ANGPT1: variants seen among roughly 807,000 people sequenced by gnomAD.
ANGPT1 encodes angiopoietin 1.
Under a neutral mutation model 62.2 loss-of-function variants are expected in ANGPT1, and 17 were observed. That is an observed-to-expected ratio of 0.27 (90% CI 0.19 to 0.41). The LOEUF is 0.41. Ranked by LOEUF, ANGPT1 falls within the 10% of genes least tolerant of loss-of-function variation. The pLI, the probability that ANGPT1 is intolerant of heterozygous loss-of-function variation, is 1.00. For missense variants in ANGPT1, 478 were observed against 594.9 expected, an observed-to-expected ratio of 0.80 and a Z score of 2.04; for synonymous variants, 199 against 198.9, an observed-to-expected ratio of 1.00 and a Z score of 0.00.
chr8:107,279,947 G>A (rs1453924175), intron 7 of ANGPT1, among the ~76,000 whole-genome samples: 3 of 152,066 alleles, frequency 2.0e-5, no homozygotes, highest in South Asian at 4.1e-4. Flanking sequence ...ATCAGTGTAG[G>A]GAGGTTGAGA....
Position 107,371,548 on chromosome 8 carries a change from C to T in ANGPT1, c.298-24451G>A, listed in dbSNP as rs148703988. Among the ~76,000 whole-genome samples, 13 of 149,894 alleles carry T rather than the reference C, an allele frequency of 8.7e-5. No individual in the cohort carries two copies. In the East Asian group the frequency reaches 2.4e-3, roughly 27 times the overall value. On this transcript the variant is annotated intron_variant, in intron 1 of 8. Coordinates refer to ENST00000517746, the MANE Select transcript of ANGPT1 (RefSeq NM_001146.5). Reference sequence around the variant, plus strand: ...TTGGGCACCATAATCCTTCTTCAATCCCCTCTCTCTTGGTGCTGAGCATTC... The same window carrying T: ...TTGGGCACCATAATCCTTCTTCAATTCCCTCTCTCTTGGTGCTGAGCATTC...
chr8:107,348,063 A>C lies in ANGPT1; in HGVS notation c.298-966T>G, dbSNP rs78672400. Among the ~76,000 whole-genome samples the C allele has an allele frequency of 2.2e-3, 339 of 152,254 alleles. 1 individual carries two copies. The highest frequency in any genetic ancestry group is 7.8e-3 in the African/African-American group (324 of 41,536). On this transcript the variant is annotated intron_variant, in intron 1 of 8. Coordinates refer to ENST00000517746, the MANE Select transcript of ANGPT1 (RefSeq NM_001146.5). ...TGTGGTGACTACATTTTATTACTCT[A>C]CTACACATATAGGGAAATTGCATCC...
intron 3 of ANGPT1, among the ~76,000 whole-genome samples, chr8:107,334,562 C>T (rs998803556): frequency 6.3e-5 from 9 of 143,436 alleles, no homozygotes; most frequent in Non-Finnish European, 1.1e-4. Flanking sequence ...CTATAATAAA[C>T]GTGCTATTGT....
chr8:107,365,445 A>G (rs760026175), intron 1 of ANGPT1, among the ~76,000 whole-genome samples: 1 of 152,296 alleles, frequency 6.6e-6, no homozygotes, highest in Non-Finnish European at 1.5e-5. Flanking sequence ...CTTGCTTGCT[A>G]TATAAAATAA....
chr8:107,252,314 T>C (rs1813264370), intron 8 of ANGPT1, among the ~76,000 whole-genome samples: 1 of 152,142 alleles, frequency 6.6e-6, no homozygotes, highest in Non-Finnish European at 1.5e-5. Flanking sequence ...GGCTTCAAGA[T>C]ACAATCTACA....
At chr8:107,445,994 T>G (rs1048430912) in intron 1 of ANGPT1, among the ~76,000 whole-genome samples, 1 of 152,192 alleles carries the variant, frequency 6.6e-6, no homozygotes, top group African/African-American at 2.4e-5. Context: ...CTCGGCTCAC[T>G]GAAACCTCTG....
chr8:107,488,514 G>A (rs185371073), intron 1 of ANGPT1, among the ~76,000 whole-genome samples: 14 of 152,094 alleles, frequency 9.2e-5, no homozygotes, highest in Admixed American at 3.3e-4. Flanking sequence ...AATCAGGTTC[G>A]ATTGCCAAGA....
At chr8:107,484,916 C>T (rs1586362364) in intron 1 of ANGPT1, among the ~76,000 whole-genome samples, 1 of 152,250 alleles carries the variant, frequency 6.6e-6, no homozygotes, top group Non-Finnish European at 1.5e-5. Context: ...TATGTATTTG[C>T]TGTATTGTCA....
At chr8:107,407,773 T>C (rs1319812251) in intron 1 of ANGPT1, among the ~76,000 whole-genome samples, 1 of 152,164 alleles carries the variant, frequency 6.6e-6, no homozygotes, top group Non-Finnish European at 1.5e-5. Flanking sequence ...TTGGCACTTC[T>C]ACGAGAGGCG....
At chr8:107,279,909 G>T (rs1384077526) in intron 7 of ANGPT1, among the ~76,000 whole-genome samples, 2 of 152,126 alleles carry the variant, frequency 1.3e-5, no homozygotes, top group Non-Finnish European at 2.9e-5. Context: ...ATTGGCCTAA[G>T]AATGAGGGTG....
chr8:107,327,341 T>C (rs1815313719), intron 3 of ANGPT1, among the ~76,000 whole-genome samples: 2 of 152,048 alleles, frequency 1.3e-5, no homozygotes, highest in South Asian at 2.1e-4. Context: ...GATCTTTATA[T>C]AGAGAGGTTG....
At position 107,497,600 on chromosome 8, in the gene ANGPT1, G is replaced by T; in HGVS notation, c.-42C>A. 6.3e-7 allele frequency: 1 copy of T among 1,581,876 alleles called. No individual in the cohort carries two copies. The highest frequency in any genetic ancestry group is 1.2e-5 in the South Asian group (1 of 86,776). On this transcript the variant is annotated 5_prime_UTR_variant, in exon 1 of 9. Coordinates refer to ENST00000517746, the MANE Select transcript of ANGPT1 (RefSeq NM_001146.5). ...TCCTTCCGTGCCTCTCGCAAAACTT[G>T]CTCCTTTCTTCTGACCTCTAAAACT...
At chr8:107,452,088 GAAT>G (rs1563629011) in intron 1 of ANGPT1, among the ~76,000 whole-genome samples, 3 of 151,592 alleles carry the variant, frequency 2.0e-5, no homozygotes, top group Non-Finnish European at 4.4e-5. Context: ...AGAATGAATA[GAAT>G]AAGACAGGAT....
intron 1 of ANGPT1, among the ~76,000 whole-genome samples, chr8:107,441,057 A>G (rs1243997382): frequency 2.0e-5 from 2 of 97,834 alleles, no homozygotes; most frequent in African/African-American, 3.3e-5. Flanking sequence ...TTATCTTGAT[A>G]CTTTAACTAC....
At chr8:107,305,543 A>G (rs1332991696) in intron 4 of ANGPT1, among the ~76,000 whole-genome samples, 2 of 152,008 alleles carry the variant, frequency 1.3e-5, no homozygotes, top group Non-Finnish European at 2.9e-5. Flanking sequence ...AAAGTTGGGT[A>G]TTAACTTATT....
chr8:107,366,376 A>G (rs1015406218), intron 1 of ANGPT1, among the ~76,000 whole-genome samples: 1 of 152,222 alleles, frequency 6.6e-6, no homozygotes, highest in South Asian at 2.1e-4. Context: ...CCAAAAAGCC[A>G]AAAGTTGCTA....
intron 3 of ANGPT1, among the ~76,000 whole-genome samples, chr8:107,326,591 G>A (rs147929402): frequency 6.6e-6 from 1 of 151,990 alleles, no homozygotes; most frequent in Non-Finnish European, 1.5e-5. Flanking sequence ...ATCTACTTTG[G>A]AAGTCAGCCC....
intron 1 of ANGPT1, among the ~76,000 whole-genome samples, chr8:107,387,072 AAACCCAT>A (rs1369045388): frequency 1.3e-5 from 2 of 152,152 alleles, no homozygotes; most frequent in Non-Finnish European, 2.9e-5. Context: ...TAAACTATAA[AAACCCAT>A]AACTGAAATG....
chr8:107,398,845 A>G (rs572176665), intron 1 of ANGPT1, among the ~76,000 whole-genome samples: 1 of 152,300 alleles, frequency 6.6e-6, no homozygotes, highest in East Asian at 1.9e-4. Context: ...GCCTCAGAAG[A>G]CACTGGGACA....
Sources: allele counts gnomAD v4.1 joint callset (sites outside exome capture counted in the v4.1 genomes callset), GRCh38; gene constraint gnomAD v4.1.1; transcripts MANE v1.5; gene names NCBI Gene and HGNC (gene_info 2026-07-23, HGNC 2026-07-21).